PIK3R4: variants seen among roughly 807,000 people sequenced by gnomAD.
PIK3R4 encodes the protein phosphoinositide-3-kinase regulatory subunit 4, also known as phosphoinositide 3-kinase regulatory subunit 4.
Under a neutral mutation model 136.5 loss-of-function variants are expected in PIK3R4, and 46 were observed. That is an observed-to-expected ratio of 0.34 (90% CI 0.27 to 0.43). The LOEUF (loss-of-function observed/expected upper bound fraction) is 0.43, where lower values mean the gene tolerates loss of function less well. PIK3R4 is among the 20% of genes least tolerant of loss of function. The pLI is 1.00. For synonymous variants in PIK3R4, 557 were observed against 566.7 expected, an observed-to-expected ratio of 0.98 and a Z score of 0.24; for missense variants, 1,331 against 1,649.5, an observed-to-expected ratio of 0.81 and a Z score of 3.35.
At chr3:130,682,651 AC>A (rs1322859928) in intron 16 of PIK3R4, among the ~76,000 whole-genome samples, 2 of 152,076 alleles carry the variant, frequency 1.3e-5, no homozygotes, top group African/African-American at 4.8e-5. Flanking sequence ...AAATTCAGTA[AC>A]CATGCCCTCC....
intron 15 of PIK3R4, among the ~76,000 whole-genome samples, chr3:130,685,475 T>TA (rs1164715160): frequency 2.0e-5 from 3 of 152,178 alleles, no homozygotes; most frequent in Non-Finnish European, 4.4e-5. Flanking sequence ...TATATGTCCT[T>TA]ACAAAGACTT....
chr3:130,745,887 G>A (rs2066850338), intron 1 of PIK3R4, among the ~76,000 whole-genome samples: 1 of 152,164 alleles, frequency 6.6e-6, no homozygotes, highest in African/African-American at 2.4e-5. Flanking sequence ...GCCGGGCGTG[G>A]TAGTGGGTGC....
At chr3:130,693,290 T>C (rs1384006681) in intron 13 of PIK3R4, among the ~76,000 whole-genome samples, 1 of 152,214 alleles carries the variant, frequency 6.6e-6, no homozygotes, top group African/African-American at 2.4e-5. Flanking sequence ...TGTGTGAACA[T>C]ATGTTTTCAA....
chr3:130,730,532 T>G (rs2066755819), intron 4 of PIK3R4, 90 bp from the exon 5 acceptor site: 1 of 903,316 alleles, frequency 1.1e-6, no homozygotes, highest in Non-Finnish European at 1.6e-6. Flanking sequence ...TATACATAAA[T>G]AATCATAAGC....
In PIK3R4 at chr3:130,679,945, G is replaced by A. The variant is rs567441621; in HGVS notation, c.3907-460C>T. 5.3e-5 allele frequency among the ~76,000 whole-genome samples: 8 copies of A among 151,510 alleles called. No homozygotes were observed. The South Asian group carries it at 6.3e-4, about 12-fold the overall frequency. ...ACAAAAATTAGCAGGGTGTGGTGGCGTGCACCTGTAGTCCCAGCTCCTCAG... is the reference window on the plus strand; with the variant it reads ...ACAAAAATTAGCAGGGTGTGGTGGCATGCACCTGTAGTCCCAGCTCCTCAG... On this transcript the variant is annotated intron_variant, in intron 19 of 19. Coordinates refer to ENST00000356763, the MANE Select transcript of PIK3R4 (RefSeq NM_014602.3).
chr3:130,693,102 T>C lies in PIK3R4; in HGVS notation c.3099-2448A>G, dbSNP rs1033704170. 5.9e-5 allele frequency among the ~76,000 whole-genome samples: 9 copies of C among 152,234 alleles called. No individual in the cohort carries two copies. In the South Asian group the frequency reaches 1.4e-3, roughly 24 times the overall value. The stretch of plus-strand genomic sequence containing the variant: ...AATCATACAATATGTGGCCTTTGGA[T>C]CTGGCTACTTTCACTTAGCATACTG... On this transcript the variant is annotated intron_variant, in intron 13 of 19. Transcript: ENST00000356763.
At chr3:130,738,229 A>C (rs1456717289) in intron 2 of PIK3R4, among the ~76,000 whole-genome samples, 1 of 152,230 alleles carries the variant, frequency 6.6e-6, no homozygotes, top group Non-Finnish European at 1.5e-5. Flanking sequence ...CAGCTAATGT[A>C]AGTAAGTTTC....
chr3:130,734,506 A>G (rs2066775351), intron 3 of PIK3R4, among the ~76,000 whole-genome samples: 1 of 152,232 alleles, frequency 6.6e-6, no homozygotes. Flanking sequence ...GCATTAAAAA[A>G]CACATACAAT....
At chr3:130,725,738 G>A (rs780362078) in intron 6 of PIK3R4, among the ~76,000 whole-genome samples, 4 of 151,588 alleles carry the variant, frequency 2.6e-5, no homozygotes, top group South Asian at 4.2e-4. Flanking sequence ...ATAAAGGCTC[G>A]AAAAGAACAA....
chr3:130,688,975 CTAA>C (rs1455531313), intron 14 of PIK3R4, among the ~76,000 whole-genome samples: 1 of 152,184 alleles, frequency 6.6e-6, no homozygotes, highest in Non-Finnish European at 1.5e-5. Context: ...TACAAATATT[CTAA>C]TTTTGACCAT....
intron 9 of PIK3R4, among the ~76,000 whole-genome samples, chr3:130,710,657 A>C (rs2066628304): frequency 6.6e-6 from 1 of 152,220 alleles, no homozygotes; most frequent in African/African-American, 2.4e-5. Flanking sequence ...ACAACTGTGA[A>C]TGTACAAGTT....
At chr3:130,720,355 C>A (rs543989992) in intron 7 of PIK3R4, among the ~76,000 whole-genome samples, 11 of 152,228 alleles carry the variant, frequency 7.2e-5, no homozygotes, top group Admixed American at 7.2e-4. Context: ...GCTGCCAAGC[C>A]TGGCTAATTT....
chr3:130,718,351 T>G (rs780054267), intron 8 of PIK3R4, 38 bp downstream of exon 8: 1 of 1,580,282 alleles, frequency 6.3e-7, no homozygotes, highest in South Asian at 1.2e-5. Context: ...GAGGCACAGT[T>G]TGGAGGAAAG....
chr3:130,688,402 C>G (rs765988111), intron 14 of PIK3R4, among the ~76,000 whole-genome samples: 40 of 152,314 alleles, frequency 2.6e-4, no homozygotes, highest in Admixed American at 1.6e-3. Context: ...AAAGTTACTC[C>G]TTTATTCGCC....
intron 16 of PIK3R4, among the ~76,000 whole-genome samples, chr3:130,683,829 C>T (rs2066473342): frequency 6.6e-6 from 1 of 152,052 alleles, no homozygotes; most frequent in Non-Finnish European, 1.5e-5. Context: ...AAGTATCATG[C>T]CCAGGAGCCA....
At position 130,736,018 on chromosome 3, in the gene PIK3R4, T is replaced by C. The variant is rs1385224393; in HGVS notation, c.734-16A>G. ...ATCACACAACCTGAAAAATAGCAGGTATAATTCTGTTAGAAAAGAGATAAA... is the reference window on the plus strand; with the variant it reads ...ATCACACAACCTGAAAAATAGCAGGCATAATTCTGTTAGAAAAGAGATAAA... On this transcript the variant is annotated splice_polypyrimidine_tract_variant and intron_variant, in intron 2 of 19. Transcript: ENST00000356763. 6.3e-7 allele frequency: 1 copy of C among 1,587,682 alleles called. No homozygotes were observed. Among genetic ancestry groups the C allele is most frequent in the Admixed American group, 1.8e-5 (1 of 55,672 alleles).
intron 13 of PIK3R4, among the ~76,000 whole-genome samples, chr3:130,697,901 T>G (rs1490998049): frequency 2.0e-5 from 3 of 152,234 alleles, no homozygotes; most frequent in African/African-American, 7.2e-5. Flanking sequence ...TTAGTATTTC[T>G]TTTAGGGAAA....
At chr3:130,690,844 T>C (rs1342636292) in intron 13 of PIK3R4, among the ~76,000 whole-genome samples, 190 bp from the exon 14 acceptor site, 1 of 151,732 alleles carries the variant, frequency 6.6e-6, no homozygotes, top group Non-Finnish European at 1.5e-5. Context: ...TATTTTCAAA[T>C]GGCCATCTGC....
In PIK3R4 at chr3:130,708,920, G is replaced by A. The variant is rs1356024826; in HGVS notation, c.2332-428C>T. On this transcript the variant is annotated intron_variant, in intron 9 of 19. Transcript: ENST00000356763. ...CTACTTCAACTTTGCTCCTGGTTGT[G>A]TTGAGAAATTTATATTGAATGAGTA... 9.2e-5 allele frequency among the ~76,000 whole-genome samples: 14 copies of A among 152,240 alleles called. No homozygotes were observed. In the East Asian group the frequency reaches 2.1e-3, roughly 23 times the overall value.
Sources: allele counts gnomAD v4.1 joint callset (sites outside exome capture counted in the v4.1 genomes callset), GRCh38; gene constraint gnomAD v4.1.1; transcripts MANE v1.5; gene names NCBI Gene and HGNC (gene_info 2026-07-23, HGNC 2026-07-21).